The following GARIN4 variants were observed in gnomAD, a reference collection of about 807,000 sequenced individuals.
GARIN4 encodes golgi associated RAB2 interactor family member 4.
chr1:212,624,748 G>C, the GARIN4 span: 3 of 1,427,566 alleles, frequency 2.1e-6, no homozygotes, highest in Non-Finnish European at 2.7e-6. Flanking sequence ...GGGGTGGGGT[G>C]GGATTGAGAG....
At chr1:212,624,940 C>T in the GARIN4 span, 1 of 1,613,778 alleles carries the variant, frequency 6.2e-7, no homozygotes, top group Non-Finnish European at 8.5e-7. Flanking sequence ...TGAGCATGTT[C>T]AACACCACCA....
chr1:212,624,981 G>C, the GARIN4 span: 1 of 1,614,172 alleles, frequency 6.2e-7, no homozygotes. Flanking sequence ...CTGTACAAGG[G>C]GGAGTACGAT....
chr1:212,625,726 A>G, the GARIN4 span: 7 of 1,613,932 alleles, frequency 4.3e-6, no homozygotes, highest in Non-Finnish European at 5.9e-6. Context: ...CAGCAGGGGC[A>G]GCTGCAGGGG....
At chr1:212,624,797 C>T in the GARIN4 span, 2 of 1,455,762 alleles carry the variant, frequency 1.4e-6, no homozygotes, top group Non-Finnish European at 9.0e-7. Flanking sequence ...AGGAGCACCA[C>T]TGGTCCCTCA....
the GARIN4 span, chr1:212,626,103 G>C: frequency 1.2e-6 from 2 of 1,614,174 alleles, no homozygotes; most frequent in Non-Finnish European, 1.7e-6. Context: ...GGACAGCATG[G>C]AAGGGAGCGA....
At chr1:212,625,957 G>C in the GARIN4 span, 2 of 1,614,242 alleles carry the variant, frequency 1.2e-6, no homozygotes, top group South Asian at 2.2e-5. Flanking sequence ...GCGCATCCAT[G>C]AGCCTTTCCC....
chr1:212,626,431 T>A, the GARIN4 span: 1 of 1,614,062 alleles, frequency 6.2e-7, no homozygotes, highest in Non-Finnish European at 8.5e-7. Flanking sequence ...CCAGTTCCGG[T>A]TCCAGCAAGG....
chr1:212,625,985 C>T, the GARIN4 span: 1 of 1,614,244 alleles, frequency 6.2e-7, no homozygotes, highest in South Asian at 1.1e-5. Context: ...CAGTGTGAGC[C>T]TGGCCATTGC....
At chr1:212,625,413 A>G in the GARIN4 span, 96 of 1,614,018 alleles carry the variant, frequency 5.9e-5, no homozygotes, top group Non-Finnish European at 8.1e-5. Context: ...CCACCCATGG[A>G]GAGTAACAGC....
chr1:212,625,635 A>G, the GARIN4 span: 453,315 of 1,613,922 alleles, frequency 0.28, 67,312 homozygotes, highest in African/African-American at 0.46. Flanking sequence ...AAACCCACTA[A>G]TGTGCTCAAT....
the GARIN4 span, chr1:212,626,587 G>A: frequency 6.2e-7 from 1 of 1,614,114 alleles, no homozygotes; most frequent in Non-Finnish European, 8.5e-7. Context: ...AGACAGCAGA[G>A]GGTGGCCAGG....
At chr1:212,624,824 A>G in the GARIN4 span, 16 of 1,486,832 alleles carry the variant, frequency 1.1e-5, no homozygotes, top group Non-Finnish European at 9.8e-6. Context: ...ACCGAGGCCA[A>G]GGAAGACCCA....
chr1:212,625,650 C>T, the GARIN4 span: 1 of 1,614,204 alleles, frequency 6.2e-7, no homozygotes, highest in Non-Finnish European at 8.5e-7. Flanking sequence ...CTCAATGCAT[C>T]CATCCCCAAA....
At chr1:212,624,548 A>G in the GARIN4 span, 143,720 of 197,822 alleles carry the variant, frequency 0.73, 52,820 homozygotes, top group Non-Finnish European at 0.75. Flanking sequence ...ACAAACTGTA[A>G]TTAAAAAAAT....
the GARIN4 span, chr1:212,626,642 G>A: frequency 1.9e-6 from 3 of 1,606,556 alleles, no homozygotes; most frequent in Non-Finnish European, 2.5e-6. Flanking sequence ...CATGGAGACA[G>A]TGACCTTTGA....
At chr1:212,625,386 T>A in the GARIN4 span, 1 of 1,614,240 alleles carries the variant, frequency 6.2e-7, no homozygotes. Flanking sequence ...TGGGAAAAAC[T>A]AATTTACCTC....
At chr1:212,624,749 G>C in the GARIN4 span, 7 of 1,427,252 alleles carry the variant, frequency 4.9e-6, no homozygotes, top group Non-Finnish European at 6.4e-6. Flanking sequence ...GGGTGGGGTG[G>C]GATTGAGAGA....
chr1:212,624,624 C>T, the GARIN4 span: 17 of 437,232 alleles, frequency 3.9e-5, no homozygotes, highest in African/African-American at 8.0e-5. Context: ...TGCATCTCTA[C>T]GTCTTGGAAG....
At chr1:212,626,669 C>A in the GARIN4 span, 3 of 1,581,796 alleles carry the variant, frequency 1.9e-6, no homozygotes, top group Non-Finnish European at 2.6e-6. Flanking sequence ...TTAAATAAGA[C>A]CCAGAGCTGG....
Sources: gnomAD v4.1 joint callset for allele counts on GRCh38, gnomAD v4.1.1 for gene constraint, MANE v1.5 for transcripts, NCBI Gene and HGNC (gene_info 2026-07-23, HGNC 2026-07-21) for gene names.